Variants in ITGB5 observed in about 807,000 individuals in gnomAD.
ITGB5 encodes the protein integrin subunit beta 5.
Under a neutral mutation model 84.8 loss-of-function variants are expected in ITGB5, and 38 were observed. The observed-to-expected ratio is 0.45, with a 90% CI of 0.35 to 0.59. The LOEUF (loss-of-function observed/expected upper bound fraction) is 0.59. Ranked by LOEUF, ITGB5 falls within the 20% of genes least tolerant of loss-of-function variation. The pLI is 0.01. For synonymous variants in ITGB5, 393 were observed against 414.4 expected (o/e 0.95, Z 0.63); for missense variants, 905 against 1,034.5 (o/e 0.87, Z 1.72).
chr3:124,788,180 G>C (rs1054646833), intron 10 of ITGB5, among the ~76,000 whole-genome samples: 1 of 152,168 alleles, frequency 6.6e-6, no homozygotes, highest in Non-Finnish European at 1.5e-5. Flanking sequence ...TAGGGTTACA[G>C]GTGTGAGCCA....
rs567382208 is a variant in ITGB5 at position 124,762,233 on chromosome 3, T to A, written c.*1390A>T. 2 of 152,296 alleles carry A rather than the reference T, an allele frequency of 1.3e-5. No homozygotes were observed. Among genetic ancestry groups the A allele is most frequent in the South Asian group, 4.2e-4 (2 of 4,818 alleles). The allele number at this position is 152,296 out of a possible 1,614,324, so 9.4% of individuals were successfully genotyped here. ...AATTGGGTCCAGAGCTGAGGACAGA[T>A]CCATTTGGAATGAAAGCATAATAAC... On this transcript the variant is annotated 3_prime_UTR_variant, in exon 15 of 15. Coordinates refer to ENST00000296181, the MANE Select transcript of ITGB5 (RefSeq NM_002213.5).
intron 1 of ITGB5, among the ~76,000 whole-genome samples, chr3:124,882,229 G>GAAACAGGAACTAGCAGCCCAGATGAT: frequency 6.6e-6 from 1 of 152,214 alleles, no homozygotes; most frequent in Non-Finnish European, 1.5e-5. Context: ...CTTATTCACG[G>GAAACAGGAACTAGCAGCCCAGATGAT]AGCTCACATC....
chr3:124,848,588 G>A (rs755292403), intron 3 of ITGB5, 30 bp from the exon 4 acceptor site: 2 of 1,594,428 alleles, frequency 1.3e-6, no homozygotes, highest in Non-Finnish European at 1.7e-6. Flanking sequence ...ACGTGTGTTA[G>A]AGGTTGTGCA....
At chr3:124,790,773 TA>T (rs1045681446) in intron 10 of ITGB5, among the ~76,000 whole-genome samples, 119 of 152,100 alleles carry the variant, frequency 7.8e-4, no homozygotes, top group African/African-American at 2.8e-3. Flanking sequence ...GCCTGCCACA[TA>T]GTAATAAAAG....
chr3:124,766,185 GGGCTGGCTGA>G, intron 13 of ITGB5, 31 bp downstream of exon 13: 4 of 1,598,984 alleles, frequency 2.5e-6, no homozygotes, highest in Non-Finnish European at 3.4e-6. Flanking sequence ...TCAGAACTGA[GGGCTGGCTGA>G]GTGGGCCGAG....
At chr3:124,822,351 G>T (rs1176916727) in intron 5 of ITGB5, among the ~76,000 whole-genome samples, 1 of 152,244 alleles carries the variant, frequency 6.6e-6, no homozygotes. Context: ...ATGAATAAAT[G>T]AAGGATTTAA....
chr3:124,840,924 A>G (rs2065002536), intron 5 of ITGB5, among the ~76,000 whole-genome samples: 1 of 152,048 alleles, frequency 6.6e-6, no homozygotes, highest in African/African-American at 2.4e-5. Context: ...TCGGCCTCCC[A>G]AAGTGCTGGG....
chr3:124,796,793 C>G lies in ITGB5; in HGVS notation c.1288G>C (p.Ala430Pro), dbSNP rs764156434. Residue 430 changes from alanine to proline, a missense_variant, in exon 10 of 15, where the codon GCC (alanine) becomes CCC (proline). This residue lies in a region of ITGB5 where 656 missense variants were observed against 734.7 expected (regional missense o/e 0.89). Transcript: ENST00000296181. Reference protein sequence around the residue: ...DTASFEVSLEARSCPSRHTEH... With the variant: ...DTASFEVSLEPRSCPSRHTEH... ...GTGTGTCTGCTGGGACAGCTTCGGGCCTCCAATGATACTTCAAAAGATGCC... is the reference window on the plus strand; with the variant it reads ...GTGTGTCTGCTGGGACAGCTTCGGGGCTCCAATGATACTTCAAAAGATGCC... 3.1e-6 allele frequency: 5 copies of G among 1,607,842 alleles called. No homozygotes were observed. In the African/African-American group the frequency reaches 4.0e-5, roughly 13 times the overall value.
chr3:124,801,577 C>T (rs1181266989), intron 9 of ITGB5, among the ~76,000 whole-genome samples: 6 of 152,162 alleles, frequency 3.9e-5, no homozygotes, highest in Non-Finnish European at 8.8e-5. Flanking sequence ...GTGTCCTTGT[C>T]CACAGGCCAG....
intron 10 of ITGB5, among the ~76,000 whole-genome samples, chr3:124,795,216 G>A (rs2064204916): frequency 1.3e-5 from 2 of 151,672 alleles, no homozygotes; most frequent in Middle Eastern, 3.4e-3. Context: ...TCTGGGCCGG[G>A]CACAGTGGCT....
At chr3:124,814,256 A>G (rs989156749) in intron 8 of ITGB5, among the ~76,000 whole-genome samples, 7 of 151,938 alleles carry the variant, frequency 4.6e-5, no homozygotes, top group African/African-American at 1.7e-4. Context: ...TTACATTTCT[A>G]TATTTAATAT....
intron 5 of ITGB5, among the ~76,000 whole-genome samples, chr3:124,822,316 C>T (rs2064719056): frequency 6.6e-6 from 1 of 152,190 alleles, no homozygotes; most frequent in Non-Finnish European, 1.5e-5. Context: ...GGTGAACGGG[C>T]ATCCCCAAAT....
intron 10 of ITGB5, among the ~76,000 whole-genome samples, chr3:124,780,097 C>A (rs1019878708): frequency 2.5e-5 from 3 of 122,328 alleles, no homozygotes; most frequent in Admixed American, 7.7e-5. Flanking sequence ...CTCAGCGAGG[C>A]CTCTGAGGCA....
intron 1 of ITGB5, among the ~76,000 whole-genome samples, chr3:124,877,137 AT>A (rs34843039): frequency 3.0e-4 from 38 of 126,730 alleles, no homozygotes; most frequent in Admixed American, 5.9e-4. Context: ...CACCTGGCTA[AT>A]TTTTTTTTTT....
At chr3:124,898,683 A>C (rs1383513619) in intron 1 of ITGB5, among the ~76,000 whole-genome samples, 1 of 136,634 alleles carries the variant, frequency 7.3e-6, no homozygotes, top group African/African-American at 2.7e-5. Flanking sequence ...AAATGACAGC[A>C]CTTTGGGAGG....
At chr3:124,848,815 T>C (rs2065113479) in intron 3 of ITGB5, among the ~76,000 whole-genome samples, 1 of 152,100 alleles carries the variant, frequency 6.6e-6, no homozygotes, top group South Asian at 2.1e-4. Context: ...AGTGTTGCTC[T>C]GTCGCCCAGG....
chr3:124,770,924 C>A (rs2063834001), intron 11 of ITGB5, among the ~76,000 whole-genome samples: 1 of 151,762 alleles, frequency 6.6e-6, no homozygotes, highest in Non-Finnish European at 1.5e-5. Flanking sequence ...ACCAGCCTCC[C>A]AGATTAGCAC....
intron 12 of ITGB5, among the ~76,000 whole-genome samples, chr3:124,767,345 C>T (rs893399100): frequency 7.9e-5 from 12 of 152,176 alleles, no homozygotes; most frequent in African/African-American, 2.9e-4. Flanking sequence ...TCTCAGCTCC[C>T]TTCTGGGCTG....
intron 14 of ITGB5, among the ~76,000 whole-genome samples, chr3:124,764,130 C>T (rs1251364343): frequency 1.3e-5 from 2 of 152,198 alleles, no homozygotes; most frequent in Admixed American, 1.3e-4. Context: ...TGAGACTGGT[C>T]AGACTCTTCC....
Sources: gnomAD v4.1 joint callset for allele counts (sites outside exome capture counted in the v4.1 genomes callset) on GRCh38, gnomAD v4.1.1 for gene constraint, gnomAD v4.1.1 regional missense constraint, MANE v1.5 for transcripts, NCBI Gene and HGNC (gene_info 2026-07-23, HGNC 2026-07-21) for gene names.